The following CYP27C1 variants were observed in gnomAD, a reference collection of about 807,000 sequenced individuals.
CYP27C1 encodes the protein cytochrome P450 27C1.
In CYP27C1, 29 loss-of-function variants were observed where a neutral mutation model predicts 40.6. The ratio of observed to expected loss-of-function variants is 0.71; its 90% CI spans 0.53 to 0.97. CYP27C1 has a LOEUF of 0.97. CYP27C1 is among the 50% of genes least tolerant of loss of function. The pLI, the probability that CYP27C1 is intolerant of heterozygous loss-of-function variation, is 0.00. For synonymous variants in CYP27C1, 198 were observed against 186.8 expected, an observed-to-expected ratio of 1.06 and a Z score of -0.49; for missense variants, 390 against 485.8, an observed-to-expected ratio of 0.80 and a Z score of 1.85.
At chr2:127,188,100 G>A (rs562521576) in intron 8 of CYP27C1, among the ~76,000 whole-genome samples, 7 of 152,300 alleles carry the variant, frequency 4.6e-5, no homozygotes, top group East Asian at 1.9e-4. Context: ...TTCTGTCCAC[G>A]GACAGGCTCC....
intron 3 of CYP27C1, among the ~76,000 whole-genome samples, chr2:127,202,441 A>G (rs1683056705): frequency 6.6e-6 from 1 of 152,244 alleles, no homozygotes; most frequent in Admixed American, 6.5e-5. Flanking sequence ...ATGCATTCTT[A>G]AGTAAAGAGA....
intron 1 of CYP27C1, among the ~76,000 whole-genome samples, chr2:127,217,275 A>T (rs1232474481): frequency 6.6e-6 from 1 of 152,226 alleles, no homozygotes; most frequent in Non-Finnish European, 1.5e-5. Context: ...CTCACAGTTT[A>T]CTAGCTGAAT....
intron 1 of CYP27C1, among the ~76,000 whole-genome samples, chr2:127,214,789 T>TG (rs1019420278): frequency 3.0e-5 from 3 of 99,048 alleles, no homozygotes; most frequent in Non-Finnish European, 4.8e-5. Flanking sequence ...TTTGTTTTTT[T>TG]TTTTTTTTTT....
chr2:127,198,186 T>TACAC (rs3033450), intron 5 of CYP27C1, among the ~76,000 whole-genome samples: 2,790 of 148,090 alleles, frequency 0.019, 42 homozygotes, highest in African/African-American at 0.026. Flanking sequence ...AATTTGTTGA[T>TACAC]ACACACACAC....
At chr2:127,190,329 CTCTT>C (rs1221198312) in intron 8 of CYP27C1, among the ~76,000 whole-genome samples, 6 of 115,838 alleles carry the variant, frequency 5.2e-5, no homozygotes, top group Middle Eastern at 4.7e-3. Flanking sequence ...TTTGTGGCTT[CTCTT>C]TTTTTTTTCT....
chr2:127,194,860 A>G (rs1352145278), intron 6 of CYP27C1, among the ~76,000 whole-genome samples: 2 of 121,182 alleles, frequency 1.7e-5, no homozygotes, highest in Non-Finnish European at 3.4e-5. Context: ...TTTTTTTTTG[A>G]GACAGAGCCT....
In CYP27C1 at chr2:127,204,439, A is replaced by AAAAAGAAAGAAAG. The variant is rs1491483972; in HGVS notation, c.474-881_474-869dup. 4.9e-3 allele frequency among the ~76,000 whole-genome samples: 192 copies of AAAAAGAAAGAAAG among 39,374 alleles called. 5 individuals are homozygous for AAAAAGAAAGAAAG. Among genetic ancestry groups the AAAAAGAAAGAAAG allele is most frequent in the East Asian group, 0.015 (10 of 680 alleles). The allele number at this position is 39,374 out of a possible 152,430, so 25.8% of individuals were successfully genotyped here. On this transcript the variant is annotated intron_variant, in intron 2 of 8. Coordinates refer to ENST00000664447, the MANE Select transcript of CYP27C1 (RefSeq NM_001367502.1). Reference sequence around the variant, plus strand: ...AAAGAAAGAGAGAAAGGAAAGAAAGAAAAAGAAAGAAAGAAAGAAAGAAAG... The same window carrying AAAAAGAAAGAAAG: ...AAAGAAAGAGAGAAAGGAAAGAAAGAAAAAGAAAGAAAGAAAAGAAAGAAAGAAAGAAAGAAAG...
rs147287859 is a variant in CYP27C1, at chr2:127,195,394, T to C, written c.1155A>G (p.Pro385=). 8 of 1,614,032 alleles carry C rather than the reference T, an allele frequency of 5.0e-6. No homozygotes were observed. The African/African-American group carries it at 6.7e-5, about 13-fold the overall frequency. Residue 385 remains proline (P), a synonymous_variant, in exon 6 of 9, where the codon CCA becomes CCG. Transcript: ENST00000664447. This position sits in a 1 kb window ranked among gnomAD's most constrained non-coding sequence, Gnocchi z 6.2. ...GGACCTTGGGGACATCAGCTGCAGT[T>C]GGAACATGCCTTTCCCCTAAATTCT... is the stretch of plus-strand genomic sequence containing the variant. ...IVKNLGERHV[P]TAADVPKVPL...
Position 127,195,478 on chromosome 2 carries a change from A to C in CYP27C1, c.1071T>G (p.Thr357=), listed in dbSNP as rs7568070. The part of the protein sequence containing the change: ...VDTTSFTLSW[T]VYLLARHPEV... ...CTGGGTGCCTTGCCAGGAGGTACAC[A>C]GTCCAAGACAAGGTGAAGGACGTCT... Residue 357 remains threonine, a synonymous_variant, in exon 6 of 9, where the codon ACT becomes ACG. Transcript: ENST00000664447. The surrounding 1 kb of genome is among the most constrained non-coding windows in gnomAD (Gnocchi z 6.2). 0.28 allele frequency: 444,048 copies of C among 1,613,468 alleles called. 64,244 individuals are homozygous for C. Among genetic ancestry groups the C allele is most frequent in the African/African-American group, 0.45 (33,783 of 74,816 alleles).
chr2:127,213,195 A>T (rs146829118), intron 1 of CYP27C1, among the ~76,000 whole-genome samples: 138 of 152,352 alleles, frequency 9.1e-4, no homozygotes, highest in African/African-American at 3.2e-3. Flanking sequence ...AAAACATTCC[A>T]TCCTTATGGA....
At position 127,219,427 on chromosome 2, in the gene CYP27C1, C is replaced by G. The variant is rs1683503820; in HGVS notation, c.282+562G>C. ...TCGCGGCGCCCCCTCCCCAGGTTCC[C>G]CAACCAGGCAATCCCTGCCTGGGTC... On this transcript the variant is annotated intron_variant, in intron 1 of 8. Transcript: ENST00000664447. The surrounding 1 kb of genome is among the most constrained non-coding windows in gnomAD (Gnocchi z 8.7). 6.6e-6 allele frequency among the ~76,000 whole-genome samples: 1 copy of G among 151,958 alleles called. No homozygotes were observed. Among genetic ancestry groups the G allele is most frequent in the African/African-American group, 2.4e-5 (1 of 41,364 alleles).
chr2:127,203,538 T>C lies in CYP27C1; in HGVS notation c.507A>G (p.Val169=), dbSNP rs1683090896. Residue 169 remains valine, a synonymous_variant, in exon 3 of 9, where the codon GTA becomes GTG. Coordinates refer to ENST00000664447, the MANE Select transcript of CYP27C1 (RefSeq NM_001367502.1). ...TCGGTTTCAGAATTCTTTGTCTCAA[T>C]ACGCTTCTCATCTTGAGCCACTGTT... is the stretch of plus-strand genomic sequence containing the variant. ...EGEQWLKMRS[V]LRQRILKPKD... 1.2e-6 allele frequency: 2 copies of C among 1,614,026 alleles called. No homozygotes were observed. The highest frequency in any genetic ancestry group is 2.2e-5 in the East Asian group (1 of 44,884).
intron 1 of CYP27C1, among the ~76,000 whole-genome samples, chr2:127,206,921 C>A (rs1448837190): frequency 6.6e-6 from 1 of 152,260 alleles, no homozygotes; most frequent in East Asian, 1.9e-4. Flanking sequence ...TCCTACGGAA[C>A]CTACTAAAAA....
chr2:127,193,047 A>G (rs1461895989), intron 8 of CYP27C1, 47 bp downstream of exon 8: 5 of 1,604,294 alleles, frequency 3.1e-6, no homozygotes, highest in African/African-American at 2.7e-5. Context: ...TGTGCCCAGT[A>G]GAAAGAGGCC....
chr2:127,183,904 G>C lies in CYP27C1; in HGVS notation c.*3367C>G, dbSNP rs1682557955. Among the ~76,000 whole-genome samples, 1 of 152,066 alleles carries C rather than the reference G, an allele frequency of 6.6e-6. No individual in the cohort carries two copies. The highest frequency in any genetic ancestry group is 2.4e-5 in the African/African-American group (1 of 41,388). ...CAAAGTAGAGAGCATAATGTCATGAGCCCCCACTCACCACCCTGCTTCCAC... is the reference window on the plus strand; with the variant it reads ...CAAAGTAGAGAGCATAATGTCATGACCCCCCACTCACCACCCTGCTTCCAC... On this transcript the variant is annotated 3_prime_UTR_variant, in exon 9 of 9. Coordinates refer to ENST00000664447, the MANE Select transcript of CYP27C1 (RefSeq NM_001367502.1). This position sits in a 1 kb window ranked among gnomAD's most constrained non-coding sequence, Gnocchi z 5.1.
intron 7 of CYP27C1, 28 bp from the exon 8 acceptor site, chr2:127,193,325 G>C (rs1469777467): frequency 1.2e-6 from 2 of 1,612,826 alleles, no homozygotes; most frequent in East Asian, 2.2e-5. Context: ...GACAGAAAAG[G>C]GAAAAGGGGC....
At chr2:127,204,610 A>AAAGAAAGCAAGCAAGC (rs1558931560) in intron 2 of CYP27C1, among the ~76,000 whole-genome samples, 1 of 102,604 alleles carries the variant, frequency 9.7e-6, no homozygotes, top group African/African-American at 4.1e-5. Context: ...AGAAAGAAAG[A>AAAGAAAGCAAGCAAGC]AAGAAAGAAA....
intron 4 of CYP27C1, among the ~76,000 whole-genome samples, chr2:127,199,891 T>C (rs549853999): frequency 1.3e-5 from 2 of 151,982 alleles, no homozygotes; most frequent in Non-Finnish European, 2.9e-5. Flanking sequence ...GAAGAGAAAA[T>C]GAGTGGAGGG....
rs1021019511 is a variant in CYP27C1 at position 127,195,209 on chromosome 2, A to T, written c.1214+126T>A. On this transcript the variant is annotated intron_variant, in intron 6 of 8. Transcript: ENST00000664447. This position sits in a 1 kb window ranked among gnomAD's most constrained non-coding sequence, Gnocchi z 6.2. ...GCTATTCTGACAAGAGCAGAGAAAA[A>T]ATAACAGTCACGAACATCCTCATCC... is the stretch of plus-strand genomic sequence containing the variant. 5.1e-6 allele frequency: 6 copies of T among 1,171,578 alleles called. No homozygotes were observed. Among genetic ancestry groups the T allele is most frequent in the Non-Finnish European group, 7.3e-6 (6 of 821,596 alleles). The allele number at this position is 1,171,578 out of a possible 1,614,324, so 72.6% of individuals were successfully genotyped here. A position where few individuals can be genotyped will look rare whatever the true frequency, so the allele number is the denominator to read the frequency against.
Sources: allele counts gnomAD v4.1 joint callset (sites outside exome capture counted in the v4.1 genomes callset), GRCh38; gene constraint gnomAD v4.1.1; non-coding constraint Gnocchi (gnomAD v3.1); transcripts MANE v1.5; gene names NCBI Gene and HGNC (gene_info 2026-07-23, HGNC 2026-07-21).